TDRD9: variants seen among roughly 807,000 people sequenced by gnomAD.
TDRD9 encodes ATP-dependent RNA helicase TDRD9.
In TDRD9, 124 loss-of-function variants were observed where a neutral mutation model predicts 172.6. The ratio of observed to expected loss-of-function variants is 0.72; its 90% confidence interval spans 0.62 to 0.83. The LOEUF (loss-of-function observed/expected upper bound fraction) is 0.83, where lower values mean the gene tolerates loss of function less well. TDRD9 is among the 40% of genes least tolerant of loss of function. TDRD9 has a pLI of 0.00. For synonymous variants in TDRD9, 619 were observed against 617.1 expected (o/e 1.00, Z -0.05); for missense variants, 1,479 against 1,714.1 (o/e 0.86, Z 2.42).
rs2033419419 is a variant in TDRD9 at position 103,980,233 on chromosome 14, A to G, written c.1011+4680A>G. Among the ~76,000 whole-genome samples the G allele has an allele frequency of 6.6e-6, 1 of 152,144 alleles. No homozygotes were observed. The highest frequency in any genetic ancestry group is 2.1e-4 in the South Asian group (1 of 4,828). ...AGACAGCTGGGCCTGGGGGACCACT[A>G]CCACCAAGACGCAGAGACCAGTAGT... On this transcript the variant is annotated intron_variant, in intron 7 of 35. Coordinates refer to ENST00000409874, the MANE Select transcript of TDRD9 (RefSeq NM_153046.3). The surrounding 1 kb of genome is among the most constrained non-coding windows in gnomAD (Gnocchi z 4.5).
intron 9 of TDRD9, among the ~76,000 whole-genome samples, chr14:103,991,614 T>A (rs1188138704): frequency 6.6e-6 from 1 of 152,120 alleles, no homozygotes; most frequent in Non-Finnish European, 1.5e-5. Flanking sequence ...GCTTTCACCA[T>A]GTTGGCCAGG....
At chr14:103,950,575 A>G (rs1198899462) in intron 1 of TDRD9, among the ~76,000 whole-genome samples, 1 of 152,242 alleles carries the variant, frequency 6.6e-6, no homozygotes, top group Non-Finnish European at 1.5e-5. Flanking sequence ...GGAAGTCTGC[A>G]TTATGGAAGG....
At chr14:103,999,168 GT>G (rs2034168465) in intron 13 of TDRD9, among the ~76,000 whole-genome samples, 1 of 152,142 alleles carries the variant, frequency 6.6e-6, no homozygotes, top group African/African-American at 2.4e-5. Context: ...CGAGTTTTAA[GT>G]TTTTAGCAAT....
At chr14:103,936,018 T>C (rs2030739613) in intron 1 of TDRD9, among the ~76,000 whole-genome samples, 1 of 151,948 alleles carries the variant, frequency 6.6e-6, no homozygotes, top group African/African-American at 2.4e-5. Flanking sequence ...ATTTGGTGAG[T>C]AGATAAGTGT....
At chr14:103,969,836 G>A (rs1021286419) in intron 5 of TDRD9, among the ~76,000 whole-genome samples, 2 of 143,586 alleles carry the variant, frequency 1.4e-5, no homozygotes, top group African/African-American at 5.0e-5. Flanking sequence ...GGGTGGGGGG[G>A]CTGTGGGTCC....
At position 104,031,094 on chromosome 14, in the gene TDRD9, T is replaced by C. The variant is rs2035266295; in HGVS notation, c.3283-14T>C. The C allele has an allele frequency of 2.6e-6, 4 of 1,539,436 alleles. No homozygotes were observed. In the Admixed American group the frequency reaches 6.4e-5, roughly 25 times the overall value. ...ATTTTCTTTTAACAAAACAAACTTT[T>C]CTTGTTTGTTCAGCAAAGCCATGAA... On this transcript the variant is annotated splice_polypyrimidine_tract_variant and intron_variant, in intron 28 of 35. Coordinates refer to ENST00000409874, the MANE Select transcript of TDRD9 (RefSeq NM_153046.3).
At chr14:104,024,735 G>A in intron 25 of TDRD9, 55 bp downstream of exon 25, 2 of 865,134 alleles carry the variant, frequency 2.3e-6, no homozygotes, top group Non-Finnish European at 3.8e-6. Context: ...TCATCATGTT[G>A]TATACAGGAA....
intron 23 of TDRD9, among the ~76,000 whole-genome samples, chr14:104,021,346 T>C (rs1029780636): frequency 6.6e-6 from 1 of 152,080 alleles, no homozygotes; most frequent in African/African-American, 2.4e-5. Context: ...ATCTAAACCA[T>C]ATCACTTGGC....
chr14:104,006,563 G>A lies in TDRD9; in HGVS notation c.1879+9G>A, dbSNP rs773250762. On this transcript the variant is annotated intron_variant, in intron 16 of 35. Transcript: ENST00000409874. ...TGAATGTCTTATTATAGGTAAGTGT[G>A]AGAACAAATAAATGCTAATGGGAAG... 23 of 1,612,758 alleles carry A rather than the reference G, an allele frequency of 1.4e-5. No homozygotes were observed. In the Admixed American group the frequency reaches 2.7e-4, roughly 19 times the overall value.
rs894467180 is a variant in TDRD9 at position 104,018,870 on chromosome 14, T to A, written c.2432+678T>A. 1.3e-4 allele frequency among the ~76,000 whole-genome samples: 20 copies of A among 152,360 alleles called. No individual in the cohort carries two copies. In the East Asian group the frequency reaches 3.7e-3, roughly 28 times the overall value. On this transcript the variant is annotated intron_variant, in intron 23 of 35. Transcript: ENST00000409874. ...AAACACTTTTTCTTTAATGTCCAGT[T>A]CACTCAAGTTGAACATTAAGTCCAT...
chr14:104,027,717 A>G (rs988494018), intron 28 of TDRD9, among the ~76,000 whole-genome samples: 5 of 152,204 alleles, frequency 3.3e-5, no homozygotes, highest in African/African-American at 7.2e-5. Flanking sequence ...AACATTCAAG[A>G]ACTTTCTTCT....
intron 28 of TDRD9, among the ~76,000 whole-genome samples, chr14:104,027,164 T>C (rs563405027): frequency 1.3e-5 from 2 of 152,292 alleles, no homozygotes; most frequent in East Asian, 3.9e-4. Flanking sequence ...GTGAGTATTG[T>C]ATTTGTTTGT....
chr14:104,021,861 GAAGT>G (rs1412165725), intron 23 of TDRD9, among the ~76,000 whole-genome samples: 3 of 152,152 alleles, frequency 2.0e-5, no homozygotes, highest in Admixed American at 2.0e-4. Context: ...AAGTAATTAT[GAAGT>G]AAGATTTCTT....
At position 103,997,627 on chromosome 14, in the gene TDRD9, C is replaced by T. The variant is rs948166260; in HGVS notation, c.1379-997C>T. Reference sequence around the variant, plus strand: ...TGGCGTTGGAAGGCAGGAACCTGGCCAAGCTCTTCTGGGAGTGCACAGAGG... The same window carrying T: ...TGGCGTTGGAAGGCAGGAACCTGGCTAAGCTCTTCTGGGAGTGCACAGAGG... On this transcript the variant is annotated intron_variant, in intron 12 of 35. Coordinates refer to ENST00000409874, the MANE Select transcript of TDRD9 (RefSeq NM_153046.3). The surrounding 1 kb of genome is among the most constrained non-coding windows in gnomAD (Gnocchi z 5.1). 1.3e-5 allele frequency among the ~76,000 whole-genome samples: 2 copies of T among 152,198 alleles called. No individual in the cohort carries two copies. The highest frequency in any genetic ancestry group is 2.9e-5 in the Non-Finnish European group (2 of 68,022).
intron 1 of TDRD9, among the ~76,000 whole-genome samples, chr14:103,950,711 C>T (rs1345922675): frequency 2.6e-5 from 4 of 152,106 alleles, no homozygotes; most frequent in African/African-American, 4.8e-5. Flanking sequence ...GCTCATCAAA[C>T]GCTTAGCAAA....
At position 103,947,772 on chromosome 14, in the gene TDRD9, T is replaced by G. The variant is rs55797395; in HGVS notation, c.216-7892T>G. ...AGTAAGACCTAAAACTGCAAAACCC[T>G]TAGGGGAAAACTGAGGGCACAAACT... On this transcript the variant is annotated intron_variant, in intron 1 of 35. Transcript: ENST00000409874. 2.3e-3 allele frequency among the ~76,000 whole-genome samples: 347 copies of G among 152,268 alleles called. 3 individuals carry two copies. The highest frequency in any genetic ancestry group is 8.1e-3 in the African/African-American group (338 of 41,536).
chr14:103,937,630 A>AG (rs1390904394), intron 1 of TDRD9, among the ~76,000 whole-genome samples: 1 of 152,088 alleles, frequency 6.6e-6, no homozygotes, highest in Admixed American at 6.5e-5. Flanking sequence ...CCCCATCCCA[A>AG]GGGGGGACCA....
intron 1 of TDRD9, among the ~76,000 whole-genome samples, chr14:103,938,760 T>G (rs1566723689): frequency 6.6e-6 from 1 of 152,028 alleles, no homozygotes; most frequent in Non-Finnish European, 1.5e-5. Context: ...TCAATCCTGA[T>G]TCCTTTGCCA....
chr14:104,012,884 G>A (rs929992359), intron 20 of TDRD9, among the ~76,000 whole-genome samples: 2 of 152,094 alleles, frequency 1.3e-5, no homozygotes, highest in African/African-American at 2.4e-5. Flanking sequence ...GTGAACCACC[G>A]TGCCCAGCCC....
Sources: gnomAD v4.1 joint callset for allele counts (sites outside exome capture counted in the v4.1 genomes callset) on GRCh38, gnomAD v4.1.1 for gene constraint, Gnocchi (gnomAD v3.1) non-coding constraint, MANE v1.5 for transcripts, NCBI Gene and HGNC (gene_info 2026-07-23, HGNC 2026-07-21) for gene names.